FAM81B: variants seen among roughly 807,000 people sequenced by gnomAD.
FAM81B encodes the protein protein FAM81B.
FAM81B carries 60 observed loss-of-function variants against 58.7 expected under a neutral mutation model. That is an observed-to-expected ratio of 1.02 (90% CI 0.83 to 1.27). The LOEUF is 1.27. FAM81B is among the 50% of genes most tolerant of loss of function. FAM81B has a pLI of 0.00. For missense variants in FAM81B, 491 were observed against 522.0 expected, an observed-to-expected ratio of 0.94 and a Z score of 0.58; for synonymous variants, 189 against 179.6, an observed-to-expected ratio of 1.05 and a Z score of -0.42.
intron 4 of FAM81B, among the ~76,000 whole-genome samples, chr5:95,419,504 A>C (rs1180428228): frequency 6.6e-6 from 1 of 152,136 alleles, no homozygotes; most frequent in East Asian, 1.9e-4. Flanking sequence ...ATTTTTTTCT[A>C]TGGACAAGCA....
chr5:95,435,441 T>G (rs573848234), intron 6 of FAM81B, among the ~76,000 whole-genome samples: 1 of 152,222 alleles, frequency 6.6e-6, no homozygotes, highest in Non-Finnish European at 1.5e-5. Flanking sequence ...TTGTTGCAGA[T>G]GCTTAGTGGG....
chr5:95,396,175 A>G lies in FAM81B; in HGVS notation c.293A>G (p.Lys98Arg). 6.3e-7 allele frequency: 1 copy of G among 1,596,178 alleles called. No individual in the cohort carries two copies. The highest frequency in any genetic ancestry group is 8.5e-7 in the Non-Finnish European group (1 of 1,173,390). The change falls in exon 3 of 10, where the codon AAG (lysine) becomes AGG (arginine). Residue 98 changes from lysine to arginine, a missense_variant and splice_region_variant. Transcript: ENST00000283357. ...NSTDLVEYVD[K>R]SHAFLPIIPN... ...ACAGATCTAGTTGAATATGTTGACA[A>G]GTAAGTGTGTAAATTACAACTAGTT...
chr5:95,392,144 C>T (rs185449529), intron 1 of FAM81B, among the ~76,000 whole-genome samples: 35 of 152,284 alleles, frequency 2.3e-4, no homozygotes, highest in Admixed American at 2.0e-4. Context: ...AAATGCCGCA[C>T]ATATACACCA....
chr5:95,443,002 C>G (rs562194985), intron 7 of FAM81B, among the ~76,000 whole-genome samples: 1 of 152,260 alleles, frequency 6.6e-6, no homozygotes, highest in East Asian at 1.9e-4. Context: ...AAAGCCCTAT[C>G]TAAGTTCTTG....
rs745521688 is a variant in FAM81B, at chr5:95,446,587, T to C, written c.919T>C (p.Tyr307His). The stretch of plus-strand genomic sequence containing the variant: ...ATTTCATTCACTTTCAAGTAATCTG[T>C]ACGAAGAAGTTGAGAATAATAAAAA... ...FKFHSLSSNL[Y>H]EEVENNKKWT... Residue 307 changes from tyrosine (Y) to histidine (H), a missense_variant, in exon 8 of 10, where the codon TAC becomes CAC. Transcript: ENST00000283357. 1 of 1,609,816 alleles carries C rather than the reference T, an allele frequency of 6.2e-7. No homozygotes were observed. Among genetic ancestry groups the C allele is most frequent in the Non-Finnish European group, 8.5e-7 (1 of 1,178,064 alleles).
At chr5:95,419,676 C>G (rs920847936) in intron 4 of FAM81B, among the ~76,000 whole-genome samples, 3 of 152,142 alleles carry the variant, frequency 2.0e-5, no homozygotes, top group African/African-American at 7.2e-5. Context: ...TGGACAAAAT[C>G]TGGACACAAA....
At chr5:95,437,791 A>G (rs1415904817) in intron 7 of FAM81B, among the ~76,000 whole-genome samples, 1 of 151,342 alleles carries the variant, frequency 6.6e-6, no homozygotes, top group Non-Finnish European at 1.5e-5. Context: ...TTTTTAAATG[A>G]TCATCATTTC....
At chr5:95,409,059 C>T (rs1387140133) in intron 3 of FAM81B, among the ~76,000 whole-genome samples, 1 of 152,112 alleles carries the variant, frequency 6.6e-6, no homozygotes, top group East Asian at 1.9e-4. Flanking sequence ...GTAAAATATT[C>T]CATTAAAAAG....
At chr5:95,433,513 T>C (rs1744990786) in intron 6 of FAM81B, among the ~76,000 whole-genome samples, 1 of 152,202 alleles carries the variant, frequency 6.6e-6, no homozygotes, top group Admixed American at 6.6e-5. Context: ...AGGAAGTTTT[T>C]TCCCCACCCT....
intron 5 of FAM81B, among the ~76,000 whole-genome samples, chr5:95,422,640 G>A (rs151108883): frequency 2.0e-5 from 3 of 152,178 alleles, no homozygotes; most frequent in Non-Finnish European, 4.4e-5. Context: ...ACGCCACCAT[G>A]ACTGGCTAAT....
intron 3 of FAM81B, among the ~76,000 whole-genome samples, chr5:95,403,242 A>G (rs1447488544): frequency 6.6e-6 from 1 of 152,184 alleles, no homozygotes; most frequent in Non-Finnish European, 1.5e-5. Context: ...GTATTTTAAC[A>G]GCTTCCCTCC....
intron 2 of FAM81B, 78 bp downstream of exon 2, chr5:95,392,975 T>C (rs756036816): frequency 4.2e-5 from 53 of 1,269,458 alleles, no homozygotes; most frequent in Non-Finnish European, 5.1e-5. Context: ...CTTAGAGAGT[T>C]TAAGAAGTTC....
chr5:95,403,975 A>G lies in FAM81B; in HGVS notation c.293+7800A>G, dbSNP rs181111114. ...GGGGTGGCTGTTGGGAGGGTAACCA[A>G]TGGTATCTGCCATACTGAGAACATC... On this transcript the variant is annotated intron_variant, in intron 3 of 9. Transcript: ENST00000283357. Among the ~76,000 whole-genome samples, 34 of 152,280 alleles carry G rather than the reference A, an allele frequency of 2.2e-4. 1 individual carries two copies. The East Asian group carries it at 4.8e-3, about 22-fold the overall frequency.
chr5:95,407,113 A>G (rs1762268204), intron 3 of FAM81B, among the ~76,000 whole-genome samples: 2 of 151,930 alleles, frequency 1.3e-5, no homozygotes, highest in Admixed American at 1.3e-4. Flanking sequence ...AGTCCCACAG[A>G]ATCCCCCATC....
chr5:95,392,988 G>T (rs1761869147), intron 2 of FAM81B, 91 bp downstream of exon 2: 1 of 1,119,974 alleles, frequency 8.9e-7, no homozygotes, highest in Non-Finnish European at 1.2e-6. Flanking sequence ...AGAAGTTCTG[G>T]AAGAATAGTT....
chr5:95,410,410 C>T (rs2152762854), intron 3 of FAM81B, among the ~76,000 whole-genome samples: 1 of 152,286 alleles, frequency 6.6e-6, no homozygotes, highest in South Asian at 2.1e-4. Context: ...CTAAACACAA[C>T]CCCAGCTGAA....
intron 5 of FAM81B, among the ~76,000 whole-genome samples, chr5:95,424,539 C>T (rs1490782439): frequency 1.3e-5 from 2 of 151,542 alleles, no homozygotes; most frequent in African/African-American, 4.8e-5. Context: ...AAAAGATTTT[C>T]TCTTTAAAAT....
chr5:95,403,262 C>T (rs1762160856), intron 3 of FAM81B, among the ~76,000 whole-genome samples: 1 of 152,138 alleles, frequency 6.6e-6, no homozygotes, highest in African/African-American at 2.4e-5. Context: ...CCTCACCCTC[C>T]CCTGTGATAC....
intron 4 of FAM81B, 44 bp from the exon 5 acceptor site, chr5:95,420,240 A>G (rs761095463): frequency 1.6e-5 from 26 of 1,610,326 alleles, no homozygotes; most frequent in Middle Eastern, 1.7e-4. Context: ...TTTCCTTATC[A>G]TGTGTGATGG....
Sources: gnomAD v4.1 joint callset for allele counts (sites outside exome capture counted in the v4.1 genomes callset) on GRCh38, gnomAD v4.1.1 for gene constraint, MANE v1.5 for transcripts, NCBI Gene and HGNC (gene_info 2026-07-23, HGNC 2026-07-21) for gene names.